CNTN5: variants seen among roughly 807,000 people sequenced by gnomAD.
CNTN5 encodes the protein contactin-5.
In CNTN5, 77 loss-of-function variants were observed where a neutral mutation model predicts 129.1. The observed-to-expected ratio is 0.60, with a 90% confidence interval of 0.50 to 0.72. CNTN5 has a LOEUF of 0.72. CNTN5 is among the 30% of genes least tolerant of loss of function. The pLI, the probability that CNTN5 is intolerant of heterozygous loss-of-function variation, is 0.00. For missense variants in CNTN5, 1,478 were observed against 1,328.8 expected (o/e 1.11, Z -1.75); for synonymous variants, 509 against 465.6 (o/e 1.09, Z -1.20).
chr11:99,709,588 A>T (rs1174148454), intron 3 of CNTN5, among the ~76,000 whole-genome samples: 1 of 151,874 alleles, frequency 6.6e-6, no homozygotes, highest in Non-Finnish European at 1.5e-5. Flanking sequence ...ATATTTCTGG[A>T]AAATAGTTTA....
chr11:100,053,910 TTAAA>T (rs1943088328), intron 9 of CNTN5, among the ~76,000 whole-genome samples: 1 of 151,742 alleles, frequency 6.6e-6, no homozygotes, highest in Non-Finnish European at 1.5e-5. Context: ...GCACAACAAC[TTAAA>T]TGAATCTTAT....
At position 99,739,793 on chromosome 11, in the gene CNTN5, G is replaced by C. The variant is rs116339234; in HGVS notation, c.56-79751G>C. Among the ~76,000 whole-genome samples, 1,045 of 152,226 alleles carry C rather than the reference G, an allele frequency of 6.9e-3. 14 individuals carry two copies. The highest frequency in any genetic ancestry group is 0.024 in the African/African-American group (976 of 41,528). ...GTAGCGATGCATCAGTTTTACTATA[G>C]AATCTGACATACAGTATGCACTGAA... On this transcript the variant is annotated intron_variant, in intron 3 of 24. Transcript: ENST00000524871.
chr11:99,259,318 A>G (rs1026912122), intron 1 of CNTN5, among the ~76,000 whole-genome samples: 3 of 151,738 alleles, frequency 2.0e-5, no homozygotes, highest in African/African-American at 7.2e-5. Flanking sequence ...TCCTATACCC[A>G]TATATGTTAG....
At chr11:99,874,251 G>T (rs908288304) in intron 6 of CNTN5, among the ~76,000 whole-genome samples, 1 of 152,118 alleles carries the variant, frequency 6.6e-6, no homozygotes, top group Non-Finnish European at 1.5e-5. Flanking sequence ...AATCTGCAGG[G>T]TCTTCCTCCG....
intron 6 of CNTN5, among the ~76,000 whole-genome samples, chr11:99,906,655 C>T (rs1473746460): frequency 7.2e-5 from 11 of 152,138 alleles, no homozygotes; most frequent in African/African-American, 2.2e-4. Flanking sequence ...TGATGCTGCC[C>T]TCATAAAATG....
chr11:99,969,549 G>T (rs1023632194), intron 8 of CNTN5, among the ~76,000 whole-genome samples: 1 of 151,994 alleles, frequency 6.6e-6, no homozygotes, highest in African/African-American at 2.4e-5. Context: ...TTGGGCATGG[G>T]GCCTCACCAT....
intron 2 of CNTN5, among the ~76,000 whole-genome samples, chr11:99,440,128 C>G (rs540524160): frequency 6.6e-6 from 1 of 152,016 alleles, no homozygotes; most frequent in Non-Finnish European, 1.5e-5. Context: ...ACATTTTTTT[C>G]TATAACTTTC....
chr11:99,544,270 T>A (rs1948214147), intron 2 of CNTN5, among the ~76,000 whole-genome samples: 1 of 152,128 alleles, frequency 6.6e-6, no homozygotes, highest in Non-Finnish European at 1.5e-5. Context: ...CAAGATCCAA[T>A]CACCTCCCAC....
At chr11:99,435,373 A>G (rs1019605962) in intron 2 of CNTN5, among the ~76,000 whole-genome samples, 1 of 152,174 alleles carries the variant, frequency 6.6e-6, no homozygotes, top group Admixed American at 6.5e-5. Flanking sequence ...GCTGTTGCCC[A>G]TGAGGTGATT....
chr11:100,095,211 T>C (rs1944963559), intron 13 of CNTN5, among the ~76,000 whole-genome samples: 1 of 152,132 alleles, frequency 6.6e-6, no homozygotes, highest in Non-Finnish European at 1.5e-5. Flanking sequence ...ACAAAGTATC[T>C]TCATTTACAC....
At chr11:99,258,222 G>T (rs1332452822) in intron 1 of CNTN5, among the ~76,000 whole-genome samples, 2 of 151,916 alleles carry the variant, frequency 1.3e-5, no homozygotes, top group Non-Finnish European at 2.9e-5. Flanking sequence ...TATCACGGGG[G>T]TTTGTTGTAC....
chr11:99,832,851 A>G (rs886249992), intron 4 of CNTN5, among the ~76,000 whole-genome samples: 2 of 152,194 alleles, frequency 1.3e-5, no homozygotes, highest in Non-Finnish European at 2.9e-5. Context: ...TTTACATTAC[A>G]TGAATAAGCT....
intron 3 of CNTN5, among the ~76,000 whole-genome samples, chr11:99,790,948 T>C (rs1024660182): frequency 1.7e-4 from 26 of 152,108 alleles, no homozygotes; most frequent in African/African-American, 6.0e-4. Flanking sequence ...TGGCCACATA[T>C]ATGTCTTCTT....
At chr11:100,207,029 C>T (rs1948929135) in intron 15 of CNTN5, among the ~76,000 whole-genome samples, 1 of 152,010 alleles carries the variant, frequency 6.6e-6, no homozygotes, top group Non-Finnish European at 1.5e-5. Flanking sequence ...GTTCACTTTG[C>T]AAACACTTAA....
chr11:100,309,020 T>C, intron 21 of CNTN5: 1 of 985,092 alleles, frequency 1.0e-6, no homozygotes, highest in Non-Finnish European at 1.2e-6. Context: ...AATGAAATTT[T>C]AGCCTCCGCA....
At chr11:99,327,061 ATTTTTTT>A (rs907460250) in intron 2 of CNTN5, among the ~76,000 whole-genome samples, 1 of 151,696 alleles carries the variant, frequency 6.6e-6, no homozygotes, top group Non-Finnish European at 1.5e-5. Context: ...CAAACTCTAT[ATTTTTTT>A]TTACTTCTGA....
At chr11:99,155,799 A>G (rs759146156) in intron 1 of CNTN5, among the ~76,000 whole-genome samples, 21 of 152,248 alleles carry the variant, frequency 1.4e-4, no homozygotes, top group Non-Finnish European at 1.9e-4. Flanking sequence ...ACAGTGACAC[A>G]TATGTATATA....
rs116075445 is a variant in CNTN5 at position 99,611,466 on chromosome 11, G to A, written c.55+55197G>A. 6.2e-3 allele frequency among the ~76,000 whole-genome samples: 948 copies of A among 152,196 alleles called. 15 individuals are homozygous for A. The highest frequency in any genetic ancestry group is 0.022 in the African/African-American group (907 of 41,528). On this transcript the variant is annotated intron_variant, in intron 3 of 24. Coordinates refer to ENST00000524871, the MANE Select transcript of CNTN5 (RefSeq NM_014361.4). ...TCACAGTCCTTCTAGTATTTATCTGGCGGCTTAGAAAAGTTAAATGTAAAA... is the reference window on the plus strand; with the variant it reads ...TCACAGTCCTTCTAGTATTTATCTGACGGCTTAGAAAAGTTAAATGTAAAA...
intron 3 of CNTN5, among the ~76,000 whole-genome samples, chr11:99,782,700 C>T (rs1431371998): frequency 6.6e-6 from 1 of 151,994 alleles, no homozygotes; most frequent in Non-Finnish European, 1.5e-5. Context: ...TGATCTTTGA[C>T]AAACCTGAGA....
Sources: gnomAD v4.1 joint callset for allele counts (sites outside exome capture counted in the v4.1 genomes callset) on GRCh38, gnomAD v4.1.1 for gene constraint, MANE v1.5 for transcripts, NCBI Gene and HGNC (gene_info 2026-07-23, HGNC 2026-07-21) for gene names.